Variants in PDPN observed in about 807,000 individuals in gnomAD.
PDPN encodes the protein PA2.26 antigen.
A neutral mutation model predicts 23.2 loss-of-function variants in PDPN; 12 were observed. The ratio of observed to expected loss-of-function variants is 0.52; its 90% CI spans 0.33 to 0.84. PDPN has a LOEUF of 0.84. Ranked by LOEUF, PDPN falls within the 40% of genes least tolerant of loss-of-function variation. The probability of loss-of-function intolerance (pLI) is 0.02; values close to 1 mark genes in which losing one functional copy is unlikely to be tolerated. For missense variants in PDPN, 199 were observed against 212.2 expected (o/e 0.94, Z 0.39); for synonymous variants, 77 against 76.7 (o/e 1.00, Z -0.02).
At chr1:13,592,543 ATTTTTTTTTTTTT>A (rs34176163) in intron 1 of PDPN, among the ~76,000 whole-genome samples, 8 of 105,082 alleles carry the variant, frequency 7.6e-5, no homozygotes, top group African/African-American at 1.5e-4. Flanking sequence ...TGAAAAGATG[ATTTTTTTTTTTTT>A]TTTTTTTTTT....
At chr1:13,614,724 C>T in intron 5 of PDPN, 1 of 441,596 alleles carries the variant, frequency 2.3e-6, no homozygotes, top group Non-Finnish European at 4.4e-6. Flanking sequence ...GAATTTGAGG[C>T]TGCAGTGAGC....
At position 13,604,687 on chromosome 1, in the gene PDPN, G is replaced by A. The variant is rs756627934; in HGVS notation, c.68-2486G>A. ...ATTGTACTAAACCGCTCCAGAAAACGTTTTTAAAATTGATGATTTGTTAAC... is the reference window on the plus strand; with the variant it reads ...ATTGTACTAAACCGCTCCAGAAAACATTTTTAAAATTGATGATTTGTTAAC... On this transcript the variant is annotated intron_variant, in intron 1 of 5. Coordinates refer to ENST00000621990, the MANE Select transcript of PDPN (RefSeq NM_006474.5). Among the ~76,000 whole-genome samples, 7 of 152,072 alleles carry A rather than the reference G, an allele frequency of 4.6e-5. No homozygotes were observed. In the East Asian group the frequency reaches 9.6e-4, roughly 21 times the overall value.
chr1:13,596,198 C>CAAA (rs74323863), intron 1 of PDPN, among the ~76,000 whole-genome samples: 3 of 68,042 alleles, frequency 4.4e-5, no homozygotes, highest in Non-Finnish European at 6.6e-5. Flanking sequence ...GACTCCGTCT[C>CAAA]AAAAAAAAAA....
At chr1:13,590,494 C>T (rs1283887464) in intron 1 of PDPN, among the ~76,000 whole-genome samples, 2 of 152,116 alleles carry the variant, frequency 1.3e-5, no homozygotes, top group Admixed American at 6.6e-5. Flanking sequence ...GGGGAAGATG[C>T]GACTTTATCT....
intron 1 of PDPN, chr1:13,584,321 C>T: frequency 2.7e-6 from 4 of 1,496,290 alleles, no homozygotes; most frequent in Non-Finnish European, 3.6e-6. Flanking sequence ...GGGAGGAGCC[C>T]CGGAATCCAC....
At chr1:13,600,133 T>C (rs1346002857) in intron 1 of PDPN, among the ~76,000 whole-genome samples, 1 of 152,182 alleles carries the variant, frequency 6.6e-6, no homozygotes, top group Non-Finnish European at 1.5e-5. Flanking sequence ...GAAGCAATTG[T>C]TCCTGACTAC....
At chr1:13,614,249 C>T (rs368981998) in intron 4 of PDPN, 51 bp from the exon 5 acceptor site, 20 of 887,158 alleles carry the variant, frequency 2.3e-5, no homozygotes, top group African/African-American at 8.3e-5. Context: ...ATTTTATCAC[C>T]GATGTATTTT....
intron 2 of PDPN, 90 bp downstream of exon 2, chr1:13,607,396 TATATC>T: frequency 1.1e-6 from 1 of 903,540 alleles, no homozygotes; most frequent in Non-Finnish European, 1.5e-6. Context: ...TATATAAAAA[TATATC>T]TATCTATAAA....
chr1:13,595,470 A>G (rs939188599), intron 1 of PDPN, among the ~76,000 whole-genome samples: 14 of 152,188 alleles, frequency 9.2e-5, no homozygotes, highest in Non-Finnish European at 1.0e-4. Flanking sequence ...CCCCAAAGCA[A>G]ACTCTGGGGC....
intron 1 of PDPN, among the ~76,000 whole-genome samples, chr1:13,587,210 A>G (rs1640204949): frequency 6.6e-6 from 1 of 152,218 alleles, no homozygotes; most frequent in African/African-American, 2.4e-5. Context: ...AATTGTCATA[A>G]TACATTAAAA....
chr1:13,608,097 C>T (rs1315021779), intron 2 of PDPN, among the ~76,000 whole-genome samples: 32 of 151,850 alleles, frequency 2.1e-4, no homozygotes, highest in Non-Finnish European at 1.5e-5. Context: ...GAGAGTGAAA[C>T]TCCGCCTCAA....
chr1:13,615,568 G>A (rs373535204), intron 5 of PDPN, among the ~76,000 whole-genome samples: 1 of 152,090 alleles, frequency 6.6e-6, no homozygotes, highest in Non-Finnish European at 1.5e-5. Context: ...TTACAGGCAT[G>A]AGCCACCGCA....
At chr1:13,608,486 G>A (rs139342411) in intron 2 of PDPN, among the ~76,000 whole-genome samples, 1 of 152,262 alleles carries the variant, frequency 6.6e-6, no homozygotes, top group East Asian at 1.9e-4. Context: ...CACTAAGCTT[G>A]TTCCAACTTA....
intron 1 of PDPN, among the ~76,000 whole-genome samples, chr1:13,595,642 G>A (rs962739386): frequency 3.3e-5 from 5 of 152,174 alleles, no homozygotes; most frequent in East Asian, 1.9e-4. Flanking sequence ...AGAGTCACAC[G>A]CCCCCAGTGC....
chr1:13,589,731 G>A (rs1640284911), intron 1 of PDPN, among the ~76,000 whole-genome samples: 2 of 152,284 alleles, frequency 1.3e-5, no homozygotes, highest in South Asian at 2.1e-4. Flanking sequence ...GCTTGGAATA[G>A]CTTGAATCCG....
chr1:13,588,045 A>G (rs1640226335), intron 1 of PDPN, among the ~76,000 whole-genome samples: 1 of 152,156 alleles, frequency 6.6e-6, no homozygotes, highest in South Asian at 2.1e-4. Context: ...GTACGCAGGT[A>G]TGGCCAACTC....
chr1:13,594,095 C>G (rs1425445360), intron 1 of PDPN, among the ~76,000 whole-genome samples: 1 of 152,174 alleles, frequency 6.6e-6, no homozygotes, highest in South Asian at 2.1e-4. Context: ...TGTGTTGATT[C>G]ACTCCCATGA....
At chr1:13,584,436 G>T in intron 1 of PDPN, 1 of 844,002 alleles carries the variant, frequency 1.2e-6, no homozygotes, top group African/African-American at 1.7e-5. Context: ...GGCAGCAGTG[G>T]CTGGGGTTTC....
chr1:13,600,922 G>A (rs929777298), intron 1 of PDPN, among the ~76,000 whole-genome samples: 1 of 152,092 alleles, frequency 6.6e-6, no homozygotes. Flanking sequence ...CTTTGTGAAG[G>A]CAGGCTAAGG....
Sources: allele counts gnomAD v4.1 joint callset (sites outside exome capture counted in the v4.1 genomes callset), GRCh38; gene constraint gnomAD v4.1.1; transcripts MANE v1.5; gene names NCBI Gene and HGNC (gene_info 2026-07-23, HGNC 2026-07-21).